NFU1: variants seen among roughly 807,000 people sequenced by gnomAD.
NFU1 encodes NFU1 iron-sulfur cluster scaffold.
A neutral mutation model predicts 32.2 loss-of-function variants in NFU1; 30 were observed. The observed-to-expected ratio is 0.93, with a 90% CI of 0.70 to 1.26. NFU1 has a LOEUF of 1.26. Ranked by LOEUF, NFU1 falls within the 50% of genes most tolerant of loss-of-function variation. The pLI is 0.00. For synonymous variants in NFU1, 112 were observed against 104.6 expected (o/e 1.07, Z -0.43); for missense variants, 306 against 306.6 (o/e 1.00, Z 0.02).
At chr2:69,439,309 C>T (rs1354594195), upstream of NFU1, among the ~76,000 whole-genome samples, 2 of 152,082 alleles carry the variant, frequency 1.3e-5, no homozygotes, top group African/African-American at 4.8e-5. Flanking sequence ...AGCCATGGAC[C>T]CTTGTGGTGA....
chr2:69,399,044 T>C (rs532040406), intron 7 of NFU1, among the ~76,000 whole-genome samples: 30 of 152,002 alleles, frequency 2.0e-4, no homozygotes, highest in South Asian at 4.2e-4. Context: ...AAACCCCGTC[T>C]CTACTAAAAT....
chr2:69,411,444 C>T (rs1468598743), intron 5 of NFU1, among the ~76,000 whole-genome samples: 1 of 151,834 alleles, frequency 6.6e-6, no homozygotes, highest in Non-Finnish European at 1.5e-5. Flanking sequence ...CTAATGTAAC[C>T]ACATTAAAAT....
In NFU1 at chr2:69,437,427, G is replaced by A. The variant is rs756111212; in HGVS notation, c.-5C>T. 6.2e-7 allele frequency: 1 copy of A among 1,610,430 alleles called. No homozygotes were observed. The highest frequency in any genetic ancestry group is 8.5e-7 in the Non-Finnish European group (1 of 1,179,542). On this transcript the variant is annotated 5_prime_UTR_variant, in exon 1 of 8. Coordinates refer to ENST00000410022, the MANE Select transcript of NFU1 (RefSeq NM_001002755.4). The stretch of plus-strand genomic sequence containing the variant: ...CCGCCTGGCCGTCGCCGCCATCTTA[G>A]TCCGGAGTGCCTAAGGGTCTCCCTG...
At position 69,396,170 on chromosome 2, in the gene NFU1, A is replaced by C; in HGVS notation, c.*76T>G. Reference sequence around the variant, plus strand: ...TATTTTATTAATCTTCAAGTTCCTCAGCATATTAATAATAAAAACTTGATA... The same window carrying C: ...TATTTTATTAATCTTCAAGTTCCTCCGCATATTAATAATAAAAACTTGATA... On this transcript the variant is annotated 3_prime_UTR_variant, in exon 8 of 8. Transcript: ENST00000410022. The C allele has an allele frequency of 8.9e-7, 1 of 1,125,878 alleles. No individual in the cohort carries two copies. The highest frequency in any genetic ancestry group is 1.3e-6 in the Non-Finnish European group (1 of 751,446). 69.7% of individuals were successfully genotyped at this position (1,125,878 alleles called of 1,614,324 possible). A position where few individuals can be genotyped will look rare whatever the true frequency, so the allele number is the denominator to read the frequency against.
chr2:69,403,192 C>T (rs1672583247), intron 6 of NFU1, among the ~76,000 whole-genome samples: 1 of 152,058 alleles, frequency 6.6e-6, no homozygotes, highest in African/African-American at 2.4e-5. Flanking sequence ...CCCTATATCT[C>T]TTCTAAGCAG....
intron 1 of NFU1, among the ~76,000 whole-genome samples, chr2:69,433,426 C>T (rs1004763988): frequency 1.1e-4 from 17 of 149,892 alleles, no homozygotes; most frequent in African/African-American, 4.9e-5. Context: ...GTGATCCTCC[C>T]GTATCGGCCT....
chr2:69,408,586 G>A (rs1224725232), intron 5 of NFU1, among the ~76,000 whole-genome samples: 1 of 151,778 alleles, frequency 6.6e-6, no homozygotes, highest in African/African-American at 2.4e-5. Context: ...CGGGAGTGGT[G>A]GTGGGTGTCT....
At chr2:69,400,321 A>C (rs762485937) in intron 7 of NFU1, 43 bp downstream of exon 7, 1 of 1,565,032 alleles carries the variant, frequency 6.4e-7, no homozygotes, top group Non-Finnish European at 8.8e-7. Flanking sequence ...AAAGAAAAAG[A>C]AAAAATGAAA....
chr2:69,423,642 A>G lies in NFU1; in HGVS notation c.242T>C (p.Leu81Pro), dbSNP rs765693590. ...GGGAAAATCCATGGTCCTTGTCTCA[A>G]GAACTGGTTTTCCTGGTATAAACTT... The part of the protein sequence containing the change: ...SLKFIPGKPV[L>P]ETRTMDFPTP... The change falls in exon 3 of 8, where the codon CTT (leucine) becomes CCT (proline). Residue 81 changes from leucine to proline, a missense_variant. Physicochemically the swap from Leu to Pro is moderately conservative, Grantham distance 98 (BLOSUM62 -3). Transcript: ENST00000410022. The G allele has an allele frequency of 2.5e-6, 4 of 1,613,698 alleles. No individual in the cohort carries two copies. Among genetic ancestry groups the G allele is most frequent in the Non-Finnish European group, 3.4e-6 (4 of 1,179,636 alleles).
chr2:69,425,111 C>A (rs867177018), intron 2 of NFU1, among the ~76,000 whole-genome samples: 1 of 151,922 alleles, frequency 6.6e-6, no homozygotes. Flanking sequence ...ATCTCCTGAC[C>A]TCATGATCTG....
rs1183689400 is a variant in NFU1 at position 69,415,382 on chromosome 2, T to C, written c.370-83A>G. Reference sequence around the variant, plus strand: ...AACACTACCTTATACCTCTTTTTTCTTTTTTTTTTTTGAGATGGAGTCTCA... The same window carrying C: ...AACACTACCTTATACCTCTTTTTTCCTTTTTTTTTTTGAGATGGAGTCTCA... On this transcript the variant is annotated intron_variant, in intron 4 of 7. Transcript: ENST00000410022. 1.9e-5 allele frequency: 5 copies of C among 266,684 alleles called. No homozygotes were observed. The East Asian group carries it at 3.4e-4, about 18-fold the overall frequency. The allele number at this position is 266,684 out of a possible 1,614,324, so 16.5% of individuals were successfully genotyped here.
intron 6 of NFU1, among the ~76,000 whole-genome samples, chr2:69,404,320 T>C (rs558058454): frequency 6.6e-6 from 1 of 150,944 alleles, no homozygotes; most frequent in East Asian, 2.1e-4. Context: ...GGTGAAACCC[T>C]GTCTCTACTA....
intron 1 of NFU1, among the ~76,000 whole-genome samples, chr2:69,432,245 C>T (rs1045540798): frequency 3.3e-5 from 5 of 152,100 alleles, no homozygotes; most frequent in Non-Finnish European, 7.3e-5. Flanking sequence ...CCTTGATAAC[C>T]GGGTGTGCAC....
intron 3 of NFU1, among the ~76,000 whole-genome samples, chr2:69,422,468 A>G (rs1558836630): frequency 6.6e-6 from 1 of 152,306 alleles, no homozygotes; most frequent in East Asian, 1.9e-4. Flanking sequence ...AGTTCTGAAT[A>G]GAGTATTTTA....
At chr2:69,437,840 A>C (rs1673911043), upstream of NFU1, among the ~76,000 whole-genome samples, 1 of 152,130 alleles carries the variant, frequency 6.6e-6, no homozygotes, top group Non-Finnish European at 1.5e-5. Flanking sequence ...TCCCTGGAGC[A>C]TTCCTTCTAA....
chr2:69,434,074 T>A (rs898590269), intron 1 of NFU1, among the ~76,000 whole-genome samples: 2 of 146,298 alleles, frequency 1.4e-5, no homozygotes, highest in Non-Finnish European at 3.0e-5. Flanking sequence ...TGAGCCACCA[T>A]GCCCTGCCTT....
At chr2:69,424,893 T>C (rs1673401050) in intron 2 of NFU1, among the ~76,000 whole-genome samples, 1 of 151,594 alleles carries the variant, frequency 6.6e-6, no homozygotes, top group African/African-American at 2.4e-5. Context: ...TTTTTTTTTT[T>C]TGAGGCGGAG....
At chr2:69,419,494 A>T in intron 4 of NFU1, 44 bp downstream of exon 4, 1 of 1,032,660 alleles carries the variant, frequency 9.7e-7, no homozygotes, top group African/African-American at 1.6e-5. Context: ...TCAGAAAAAA[A>T]TGAAGAGTAT....
In NFU1 at chr2:69,437,351, C is replaced by T. The variant is rs773351968; in HGVS notation, c.62+10G>A. On this transcript the variant is annotated intron_variant, in intron 1 of 7. Coordinates refer to ENST00000410022, the MANE Select transcript of NFU1 (RefSeq NM_001002755.4). ...GCACACCTATTCGGAGCTCCAGGCT[C>T]GTCACCTACCGCCTGCGCAGCCCGG... 2.2e-4 allele frequency: 357 copies of T among 1,605,468 alleles called. No individual in the cohort carries two copies. The highest frequency in any genetic ancestry group is 2.8e-4 in the Non-Finnish European group (333 of 1,177,756).
Sources: gnomAD v4.1 joint callset for allele counts (sites outside exome capture counted in the v4.1 genomes callset) on GRCh38, gnomAD v4.1.1 for gene constraint, MANE v1.5 for transcripts, NCBI Gene and HGNC (gene_info 2026-07-23, HGNC 2026-07-21) for gene names.